Variants in PAXIP1 observed in about 807,000 individuals in gnomAD.
The protein encoded by PAXIP1 is PAX-interacting protein 1.
Under a neutral mutation model 140.6 loss-of-function variants are expected in PAXIP1, and 19 were observed. The observed-to-expected ratio is 0.14, with a 90% CI of 0.09 to 0.20. The LOEUF (loss-of-function observed/expected upper bound fraction) is 0.20. Among genes scored for constraint, PAXIP1 ranks in the 10% least tolerant of loss-of-function variants. The pLI is 1.00. For synonymous variants in PAXIP1, 442 were observed against 444.6 expected (o/e 0.99, Z 0.07); for missense variants, 920 against 1,208.6 (o/e 0.76, Z 3.54).
intron 6 of PAXIP1, among the ~76,000 whole-genome samples, chr7:154,971,423 G>A (rs1809321179): frequency 6.6e-6 from 1 of 152,244 alleles, no homozygotes; most frequent in African/African-American, 2.4e-5. Flanking sequence ...CCGTTGGCCT[G>A]GAACCTTCTC....
intron 4 of PAXIP1, among the ~76,000 whole-genome samples, chr7:154,989,229 G>C (rs1810211456): frequency 1.3e-5 from 2 of 152,188 alleles, no homozygotes; most frequent in African/African-American, 4.8e-5. Flanking sequence ...TACTTGGACA[G>C]AGGATGGATC....
In PAXIP1 at chr7:154,986,078, T is replaced by A; in HGVS notation, c.325-2746A>T. The A allele has an allele frequency of 3.7e-6, 5 of 1,364,624 alleles. No homozygotes were observed. Among genetic ancestry groups the A allele is most frequent in the Non-Finnish European group, 4.9e-6 (5 of 1,021,144 alleles). The allele number at this position is 1,364,624 out of a possible 1,614,324, so 84.5% of individuals were successfully genotyped here. ...TACCGGGTCAGAAGAAGGCAGATGA[T>A]CTCTGTGCTTCCCAACTTCTGCTGG... On this transcript the variant is annotated intron_variant, in intron 4 of 20. Transcript: ENST00000404141. The surrounding 1 kb of genome is among the most constrained non-coding windows in gnomAD (Gnocchi z 4.8).
chr7:154,994,052 T>C (rs1810467048), intron 2 of PAXIP1, among the ~76,000 whole-genome samples: 1 of 152,132 alleles, frequency 6.6e-6, no homozygotes, highest in Non-Finnish European at 1.5e-5. Context: ...GACCCCCACA[T>C]TTAGGACAGG....
intron 1 of PAXIP1, 86 bp downstream of exon 1, chr7:155,002,763 G>A: frequency 1.4e-6 from 1 of 716,210 alleles, no homozygotes; most frequent in African/African-American, 2.0e-5. Context: ...GCGCGCGCCC[G>A]CGGCAGGAGC....
chr7:154,981,288 C>T (rs930660358), intron 5 of PAXIP1, among the ~76,000 whole-genome samples: 2 of 152,068 alleles, frequency 1.3e-5, no homozygotes, highest in East Asian at 3.9e-4. Context: ...CTAATGGCTG[C>T]GTATTAGTGT....
chr7:154,952,239 C>T (rs1808304390), intron 16 of PAXIP1: 1 of 152,160 alleles, frequency 6.6e-6, no homozygotes, highest in Non-Finnish European at 1.5e-5. Flanking sequence ...TAATTTTCCT[C>T]CCCTCTGAAA....
intron 5 of PAXIP1, among the ~76,000 whole-genome samples, chr7:154,981,242 G>A (rs1809829738): frequency 1.3e-5 from 2 of 152,194 alleles, no homozygotes; most frequent in Admixed American, 6.5e-5. Flanking sequence ...ACTGTACGCC[G>A]CAAGCAGCAC....
chr7:154,972,134 C>T (rs761152699), intron 6 of PAXIP1, among the ~76,000 whole-genome samples: 2 of 152,208 alleles, frequency 1.3e-5, no homozygotes, highest in Non-Finnish European at 2.9e-5. Context: ...TATTTTGTCT[C>T]TATATCCAAA....
chr7:154,954,555 G>T lies in PAXIP1; in HGVS notation c.2653-132C>A. 2.0e-6 allele frequency: 1 copy of T among 512,386 alleles called. No homozygotes were observed. Among genetic ancestry groups the T allele is most frequent in the Non-Finnish European group, 3.1e-6 (1 of 318,870 alleles). The allele number at this position is 512,386 out of a possible 1,614,324, so 31.7% of individuals were successfully genotyped here. ...CTGTAATTCTCAGCCACAGAAAACA[G>T]TGTGACAGGTAAAACAAAACCTGTA... On this transcript the variant is annotated intron_variant, in intron 15 of 20. Coordinates refer to ENST00000404141, the MANE Select transcript of PAXIP1 (RefSeq NM_007349.4). This position sits in a 1 kb window ranked among gnomAD's most constrained non-coding sequence, Gnocchi z 5.1.
rs1810096288 is a variant in PAXIP1 at position 154,986,808 on chromosome 7, G to A, written c.325-3476C>T. On this transcript the variant is annotated intron_variant, in intron 4 of 20. Coordinates refer to ENST00000404141, the MANE Select transcript of PAXIP1 (RefSeq NM_007349.4). This position sits in a 1 kb window ranked among gnomAD's most constrained non-coding sequence, Gnocchi z 4.8. Reference sequence around the variant, plus strand: ...CACGCTAAGTGATGAACTGCGGGAAGTACAGTAAGTGACCCACAAAGATCA... The same window carrying A: ...CACGCTAAGTGATGAACTGCGGGAAATACAGTAAGTGACCCACAAAGATCA... Among the ~76,000 whole-genome samples, 1 of 152,172 alleles carries A rather than the reference G, an allele frequency of 6.6e-6. No individual in the cohort carries two copies. The highest frequency in any genetic ancestry group is 1.5e-5 in the Non-Finnish European group (1 of 68,028).
intron 4 of PAXIP1, among the ~76,000 whole-genome samples, chr7:154,989,069 C>T (rs182795131): frequency 1.9e-4 from 29 of 152,206 alleles, no homozygotes; most frequent in African/African-American, 7.0e-4. Context: ...CAAATACCAA[C>T]AAAATTCCTG....
intron 2 of PAXIP1, among the ~76,000 whole-genome samples, chr7:154,994,141 G>T (rs1161726057): frequency 6.6e-6 from 1 of 152,074 alleles, no homozygotes; most frequent in Non-Finnish European, 1.5e-5. Context: ...CTCCCTTCTT[G>T]AATCCCAAAT....
chr7:154,973,227 C>G lies in PAXIP1; in HGVS notation c.1074+2469G>C, dbSNP rs1220343343. On this transcript the variant is annotated intron_variant, in intron 6 of 20. Coordinates refer to ENST00000404141, the MANE Select transcript of PAXIP1 (RefSeq NM_007349.4). The surrounding 1 kb of genome is among the most constrained non-coding windows in gnomAD (Gnocchi z 4.0). ...TCAGCCACACATTCCCAACCACCCC[C>G]AAGACCCATGGTCAGTGGCAGGCCT... is the stretch of plus-strand genomic sequence containing the variant. Among the ~76,000 whole-genome samples the G allele has an allele frequency of 6.6e-6, 1 of 152,188 alleles. No homozygotes were observed. The highest frequency in any genetic ancestry group is 2.4e-5 in the African/African-American group (1 of 41,440).
intron 1 of PAXIP1, among the ~76,000 whole-genome samples, chr7:154,999,477 G>A (rs1471141154): frequency 6.6e-6 from 1 of 152,200 alleles, no homozygotes; most frequent in African/African-American, 2.4e-5. Flanking sequence ...GATGACTAAA[G>A]ACAAGAGACC....
At chr7:154,999,966 G>C (rs1419213210) in intron 1 of PAXIP1, 2 of 152,340 alleles carry the variant, frequency 1.3e-5, no homozygotes, top group Non-Finnish European at 2.9e-5. Flanking sequence ...AAGGAAGTGA[G>C]GGTTAAGGAA....
intron 14 of PAXIP1, 26 bp from the exon 15 acceptor site, chr7:154,955,657 G>A: frequency 8.1e-7 from 1 of 1,237,808 alleles, no homozygotes; most frequent in Non-Finnish European, 1.1e-6. Context: ...ACATAAAATA[G>A]TAGTGATTTC....
At chr7:154,991,381 T>C (rs1369762189) in intron 3 of PAXIP1, among the ~76,000 whole-genome samples, 3 of 152,240 alleles carry the variant, frequency 2.0e-5, no homozygotes, top group Non-Finnish European at 4.4e-5. Flanking sequence ...TACAAATATA[T>C]AAACACACAC....
chr7:154,975,909 A>C lies in PAXIP1; in HGVS notation c.861T>G (p.Pro287=), dbSNP rs1213374207. 1.2e-6 allele frequency: 2 copies of C among 1,613,890 alleles called. No individual in the cohort carries two copies. Among genetic ancestry groups the C allele is most frequent in the African/African-American group, 2.7e-5 (2 of 74,924 alleles). Residue 287 remains proline, a synonymous_variant, in exon 6 of 21, where the codon CCT becomes CCG. Transcript: ENST00000404141. The part of the protein sequence containing the change: ...AKRRLPQGKE[P]GLINLCANVP... ...CATTGGCACACAAGTTAATCAACCC[A>C]GGCTCCTTTCCCTGAGGCAGCCTGC...
intron 16 of PAXIP1, chr7:154,948,236 T>C (rs1185513365): frequency 2.0e-6 from 1 of 491,646 alleles, no homozygotes; most frequent in Non-Finnish European, 3.7e-6. Context: ...AATTAACCAT[T>C]TGGGGTCATA....
Sources: gnomAD v4.1 joint callset for allele counts (sites outside exome capture counted in the v4.1 genomes callset) on GRCh38, gnomAD v4.1.1 for gene constraint, Gnocchi (gnomAD v3.1) non-coding constraint, MANE v1.5 for transcripts, NCBI Gene and HGNC (gene_info 2026-07-23, HGNC 2026-07-21) for gene names.